Variants in NIPSNAP1 observed in about 807,000 individuals in gnomAD.
The protein encoded by NIPSNAP1 is protein NipSnap homolog 1.
In NIPSNAP1, 25 loss-of-function variants were observed where a neutral mutation model predicts 49.2. The ratio of observed to expected loss-of-function variants is 0.51; its 90% CI spans 0.37 to 0.71. The LOEUF (loss-of-function observed/expected upper bound fraction) is 0.71. NIPSNAP1 is among the 30% of genes least tolerant of loss of function. The pLI, the probability that NIPSNAP1 is intolerant of heterozygous loss-of-function variation, is 0.00. For missense variants in NIPSNAP1, 294 were observed against 361.0 expected (o/e 0.81, Z 1.50); for synonymous variants, 143 against 140.7 (o/e 1.02, Z -0.12).
At chr22:29,561,142 C>G (rs963110096) in intron 7 of NIPSNAP1, 29 bp downstream of exon 7, 2 of 1,607,050 alleles carry the variant, frequency 1.2e-6, no homozygotes, top group African/African-American at 2.7e-5. Context: ...TACGCCTCCC[C>G]CAACCCCAGT....
intron 1 of NIPSNAP1, among the ~76,000 whole-genome samples, chr22:29,573,559 G>C (rs893130153): frequency 1.3e-5 from 2 of 151,840 alleles, no homozygotes; most frequent in Non-Finnish European, 2.9e-5. Context: ...ACCTGAGGTC[G>C]GGAGTTTGAG....
At position 29,567,117 on chromosome 22, in the gene NIPSNAP1, G is replaced by C. The variant is rs576583972; in HGVS notation, c.367+2076C>G. On this transcript the variant is annotated intron_variant, in intron 4 of 9. Transcript: ENST00000216121. The stretch of plus-strand genomic sequence containing the variant: ...AGCCTGGGTGACAGTACAGAGCGAG[G>C]CTCCATCTCAAAAAAATAAATAAAT... Among the ~76,000 whole-genome samples, 532 of 152,220 alleles carry C rather than the reference G, an allele frequency of 3.5e-3. 2 individuals carry two copies. Among genetic ancestry groups the C allele is most frequent in the Non-Finnish European group, 3.5e-3 (237 of 68,024 alleles).
chr22:29,558,813 G>T, intron 9 of NIPSNAP1, 57 bp downstream of exon 9: 1 of 1,270,010 alleles, frequency 7.9e-7, no homozygotes, highest in Non-Finnish European at 1.2e-6. Flanking sequence ...TCCTTGCAGA[G>T]AGGATTCCAT....
chr22:29,561,464 G>A (rs1271041802), intron 6 of NIPSNAP1, 42 bp downstream of exon 6: 1 of 1,613,176 alleles, frequency 6.2e-7, no homozygotes, highest in Non-Finnish European at 8.5e-7. Context: ...CATTGCAGCA[G>A]GGAAATTGGG....
chr22:29,570,138 G>C, intron 3 of NIPSNAP1, 24 bp downstream of exon 3: 1 of 1,611,296 alleles, frequency 6.2e-7, no homozygotes. Context: ...CAGGGGATGG[G>C]ATGTATGGAT....
chr22:29,557,242 C>T (rs775776014), intron 9 of NIPSNAP1, among the ~76,000 whole-genome samples: 5 of 151,976 alleles, frequency 3.3e-5, no homozygotes, highest in Non-Finnish European at 5.9e-5. Context: ...CCTCAGCCTC[C>T]CGAGTAGCTG....
At chr22:29,579,802 C>T (rs780787196) in intron 1 of NIPSNAP1, 4 of 290,596 alleles carry the variant, frequency 1.4e-5, no homozygotes, top group Admixed American at 7.8e-5. Flanking sequence ...ATGAGGAACC[C>T]GAGGCTTAAA....
At position 29,555,205 on chromosome 22, in the gene NIPSNAP1, G is replaced by A. The variant is rs552914852; in HGVS notation, c.*730C>T. ...GGAACCTCTCTTCAAGTGGTCTTTTGTCATCTCTGTTCTTCTTCCCAATTC... is the reference window on the plus strand; with the variant it reads ...GGAACCTCTCTTCAAGTGGTCTTTTATCATCTCTGTTCTTCTTCCCAATTC... On this transcript the variant is annotated 3_prime_UTR_variant, in exon 10 of 10. Coordinates refer to ENST00000216121, the MANE Select transcript of NIPSNAP1 (RefSeq NM_003634.4). 4.1e-4 allele frequency: 62 copies of A among 152,514 alleles called. No individual in the cohort carries two copies. The highest frequency in any genetic ancestry group is 3.4e-3 in the Middle Eastern group (1 of 294). The allele number at this position is 152,514 out of a possible 1,614,324, so 9.4% of individuals were successfully genotyped here.
Position 29,561,173 on chromosome 22 carries a change from G to A in NIPSNAP1, c.609C>T (p.Asn203=), listed in dbSNP as rs2064332817. 6.2e-7 allele frequency: 1 copy of A among 1,613,036 alleles called. No homozygotes were observed. Among genetic ancestry groups the A allele is most frequent in the African/African-American group, 1.3e-5 (1 of 74,896 alleles). ...CCAGTCTTGGTGCTGCCACTTACCA[G>A]TTGTTCCCCCACTCGATCATGGTTC... ...KPGTMIEWGN[N]WARAIKYRQE... is the part of the protein sequence containing the mutation. Residue 203 remains asparagine, a splice_region_variant and synonymous_variant, in exon 7 of 10, where the codon AAC becomes AAT. Transcript: ENST00000216121.
At chr22:29,565,723 C>A (rs1264778547) in intron 4 of NIPSNAP1, among the ~76,000 whole-genome samples, 1 of 151,820 alleles carries the variant, frequency 6.6e-6, no homozygotes, top group African/African-American at 2.4e-5. Flanking sequence ...ATGGCACACG[C>A]CTGTAGTCCC....
At chr22:29,565,333 G>A (rs1363465567) in intron 4 of NIPSNAP1, among the ~76,000 whole-genome samples, 3 of 151,478 alleles carry the variant, frequency 2.0e-5, no homozygotes, top group African/African-American at 7.3e-5. Flanking sequence ...CCAAGATGGT[G>A]AAACTCCATC....
At position 29,577,756 on chromosome 22, in the gene NIPSNAP1, G is replaced by C. The variant is rs566017634; in HGVS notation, c.98+3229C>G. On this transcript the variant is annotated intron_variant, in intron 1 of 9. Transcript: ENST00000216121. ...TTGTTTTGTTTTGTTTTTTTGATAC[G>C]GAGTCTCCCTCTGTTGCCCAGGCTG... Among the ~76,000 whole-genome samples, 338 of 148,026 alleles carry C rather than the reference G, an allele frequency of 2.3e-3. 2 individuals are homozygous for C. Among genetic ancestry groups the C allele is most frequent in the Non-Finnish European group, 2.8e-3 (186 of 67,320 alleles).
chr22:29,574,843 A>G (rs9620907), intron 1 of NIPSNAP1, among the ~76,000 whole-genome samples: 3,071 of 151,466 alleles, frequency 0.02, 34 homozygotes, highest in Non-Finnish European at 0.029. Flanking sequence ...AAGTTTTTGG[A>G]CCAGAATAAG....
chr22:29,573,717 G>A (rs982421265), intron 1 of NIPSNAP1, among the ~76,000 whole-genome samples: 6 of 148,442 alleles, frequency 4.0e-5, no homozygotes, highest in Admixed American at 2.8e-4. Flanking sequence ...GTAGTAAGCC[G>A]AGATCAGGCC....
chr22:29,578,086 C>T (rs769579938), intron 1 of NIPSNAP1, among the ~76,000 whole-genome samples: 2 of 150,616 alleles, frequency 1.3e-5, no homozygotes, highest in African/African-American at 2.5e-5. Flanking sequence ...TTAATAAAGA[C>T]GGGGTTTCAC....
intron 1 of NIPSNAP1, among the ~76,000 whole-genome samples, chr22:29,572,857 C>T (rs1404635235): frequency 1.3e-5 from 2 of 151,622 alleles, no homozygotes; most frequent in Admixed American, 6.6e-5. Flanking sequence ...GTGACACATG[C>T]CTGTAGTCTC....
At chr22:29,568,569 G>C (rs1037046124) in intron 4 of NIPSNAP1, among the ~76,000 whole-genome samples, 3 of 151,942 alleles carry the variant, frequency 2.0e-5, no homozygotes, top group Admixed American at 6.6e-5. Flanking sequence ...GAGGCAGGTG[G>C]ATCACCTGAG....
intron 8 of NIPSNAP1, among the ~76,000 whole-genome samples, chr22:29,559,380 T>C (rs1365484118): frequency 1.3e-5 from 2 of 151,920 alleles, no homozygotes; most frequent in African/African-American, 2.4e-5. Context: ...GTACTAAAAA[T>C]AGAAAAATTA....
chr22:29,571,980 A>G (rs1239918934), intron 1 of NIPSNAP1, among the ~76,000 whole-genome samples: 2 of 151,922 alleles, frequency 1.3e-5, no homozygotes, highest in Non-Finnish European at 2.9e-5. Context: ...CGGCTGCCCT[A>G]TCCCTTTTTA....
Sources: gnomAD v4.1 joint callset for allele counts (sites outside exome capture counted in the v4.1 genomes callset) on GRCh38, gnomAD v4.1.1 for gene constraint, MANE v1.5 for transcripts, NCBI Gene and HGNC (gene_info 2026-07-23, HGNC 2026-07-21) for gene names.